TDO2: variants seen among roughly 807,000 people sequenced by gnomAD.
TDO2 encodes tryptamin 2,3-dioxygenase.
A neutral mutation model predicts 61.2 loss-of-function variants in TDO2; 63 were observed. The observed-to-expected ratio is 1.03, with a 90% confidence interval of 0.84 to 1.27. The LOEUF (loss-of-function observed/expected upper bound fraction) is 1.27. Among genes scored for constraint, TDO2 ranks in the 50% most tolerant of loss-of-function variants. TDO2 has a pLI of 0.00. For missense variants in TDO2, 494 were observed against 469.5 expected, an observed-to-expected ratio of 1.05 and a Z score of -0.48; for synonymous variants, 183 against 164.0, an observed-to-expected ratio of 1.12 and a Z score of -0.89.
At position 155,904,007 on chromosome 4, in the gene TDO2, TAA is replaced by T. The variant is rs746058534; in HGVS notation, c.36-9_36-8del. ...GCACTATTTTTCCCTCTTGATTTAT[TAA>T]ATTTGCAGATATACTTTTAAAAAAC... On this transcript the variant is annotated splice_polypyrimidine_tract_variant and intron_variant, in intron 1 of 11. Transcript: ENST00000536354. 1.2e-6 allele frequency: 2 copies of T among 1,609,984 alleles called. No homozygotes were observed. The highest frequency in any genetic ancestry group is 3.3e-5 in the Admixed American group (2 of 59,808).
In TDO2 at chr4:155,903,714, G is replaced by A; in HGVS notation, c.-45G>A. The stretch of plus-strand genomic sequence containing the variant: ...TCTGGGAAGGTCAATGATAGCATCT[G>A]CCTAGAGTCAAACCTCCGTGCTTCT... On this transcript the variant is annotated 5_prime_UTR_variant, in exon 1 of 12. Transcript: ENST00000536354. 1 of 1,613,024 alleles carries A rather than the reference G, an allele frequency of 6.2e-7. No individual in the cohort carries two copies. Among genetic ancestry groups the A allele is most frequent in the Non-Finnish European group, 8.5e-7 (1 of 1,179,044 alleles).
intron 2 of TDO2, 90 bp from the exon 3 acceptor site, chr4:155,904,977 C>A: frequency 2.5e-6 from 2 of 795,578 alleles, no homozygotes; most frequent in Non-Finnish European, 3.9e-6. Flanking sequence ...TTTGGAGGAG[C>A]ATTTGTCATT....
At chr4:155,916,732 T>C (rs1742945379) in intron 9 of TDO2, among the ~76,000 whole-genome samples, 1 of 152,162 alleles carries the variant, frequency 6.6e-6, no homozygotes, top group Admixed American at 6.5e-5. Context: ...ATGAATTAAA[T>C]GTGTCAGAAC....
At chr4:155,914,891 G>A (rs2110880560) in intron 8 of TDO2, among the ~76,000 whole-genome samples, 1 of 152,198 alleles carries the variant, frequency 6.6e-6, no homozygotes, top group East Asian at 1.9e-4. Flanking sequence ...TATTCATGTG[G>A]TCCAGCCATA....
intron 5 of TDO2, among the ~76,000 whole-genome samples, chr4:155,909,271 G>T (rs1362669608): frequency 6.6e-6 from 1 of 152,058 alleles, no homozygotes; most frequent in Non-Finnish European, 1.5e-5. Flanking sequence ...TCTCCAAAAA[G>T]AATTTTAGAC....
chr4:155,904,788 A>G (rs1013501945), intron 2 of TDO2, among the ~76,000 whole-genome samples: 20 of 152,192 alleles, frequency 1.3e-4, no homozygotes, highest in African/African-American at 4.1e-4. Context: ...AGTTTTCATC[A>G]TATTCATTTC....
At chr4:155,906,384 A>C (rs1419876009) in intron 3 of TDO2, 1 of 152,186 alleles carries the variant, frequency 6.6e-6, no homozygotes, top group Non-Finnish European at 1.5e-5. Flanking sequence ...TCTTTGCTCA[A>C]ATATAAAAAT....
At chr4:155,912,184 C>G (rs1019585101) in intron 7 of TDO2, among the ~76,000 whole-genome samples, 7 of 152,176 alleles carry the variant, frequency 4.6e-5, no homozygotes, top group Non-Finnish European at 8.8e-5. Context: ...TCCATTTCCA[C>G]TTCCACTTCT....
rs1235814617 is a variant in TDO2 at position 155,920,103 on chromosome 4, G to A, written c.*113G>A. The A allele has an allele frequency of 1.3e-5, 12 of 933,736 alleles. No individual in the cohort carries two copies. The East Asian group carries it at 1.8e-4, about 14-fold the overall frequency. 57.8% of individuals were successfully genotyped at this position (933,736 alleles called of 1,614,324 possible). On this transcript the variant is annotated 3_prime_UTR_variant, in exon 12 of 12. Transcript: ENST00000536354. ...GTATGCATATATTGTTCAGCACCAC[G>A]ATGCTCTGATTTAATTCTAGAAACA...
chr4:155,904,981 T>C, intron 2 of TDO2, 86 bp from the exon 3 acceptor site: 1 of 870,596 alleles, frequency 1.1e-6, no homozygotes, highest in Admixed American at 3.4e-5. Flanking sequence ...GAGGAGCATT[T>C]GTCATTATCA....
chr4:155,905,264 C>G, intron 3 of TDO2, 107 bp downstream of exon 3: 3 of 845,688 alleles, frequency 3.5e-6, no homozygotes, highest in Middle Eastern at 4.5e-4. Context: ...ATGGAATCAC[C>G]TCTGTTAGAA....
chr4:155,919,686 C>A, intron 11 of TDO2, 151 bp from the exon 12 acceptor site: 5 of 624,464 alleles, frequency 8.0e-6, no homozygotes, highest in Non-Finnish European at 1.3e-5. Context: ...TACATAATAC[C>A]TAATTTAATA....
At chr4:155,909,053 T>C (rs1200257982) in intron 5 of TDO2, 39 bp downstream of exon 5, 1 of 1,554,566 alleles carries the variant, frequency 6.4e-7, no homozygotes, top group Admixed American at 1.9e-5. Flanking sequence ...TGATGGAATT[T>C]ACTTTCTCAT....
chr4:155,904,249 T>A, intron 2 of TDO2, 126 bp downstream of exon 2: 1 of 667,512 alleles, frequency 1.5e-6, no homozygotes, highest in Non-Finnish European at 2.6e-6. Flanking sequence ...GACCTAAGGA[T>A]ATTTTTATTC....
At chr4:155,910,341 C>A (rs1742809065) in intron 6 of TDO2, 130 bp downstream of exon 6, 1 of 618,304 alleles carries the variant, frequency 1.6e-6, no homozygotes, top group Non-Finnish European at 2.6e-6. Context: ...AGAAAGAATT[C>A]ATAAAAATAC....
intron 7 of TDO2, among the ~76,000 whole-genome samples, chr4:155,911,899 C>G (rs1342242688): frequency 1.3e-5 from 2 of 152,128 alleles, no homozygotes; most frequent in African/African-American, 4.8e-5. Context: ...TTAGACAGAA[C>G]TAGGCCCACA....
intron 6 of TDO2, among the ~76,000 whole-genome samples, chr4:155,911,230 C>T (rs1338967208): frequency 6.6e-6 from 1 of 151,448 alleles, no homozygotes; most frequent in African/African-American, 2.4e-5. Flanking sequence ...TTCTAGAAGA[C>T]AATTGGAATT....
intron 3 of TDO2, chr4:155,906,844 A>G (rs1474152061): frequency 6.6e-6 from 1 of 152,138 alleles, no homozygotes; most frequent in Non-Finnish European, 1.5e-5. Context: ...TCATTTTGCA[A>G]ATGAATCAAC....
chr4:155,911,731 C>A, intron 7 of TDO2, 127 bp downstream of exon 7: 1 of 600,640 alleles, frequency 1.7e-6, no homozygotes, highest in South Asian at 3.3e-5. Context: ...AATGTATTTT[C>A]TTGGACTATG....
Sources: gnomAD v4.1 joint callset for allele counts (sites outside exome capture counted in the v4.1 genomes callset) on GRCh38, gnomAD v4.1.1 for gene constraint, MANE v1.5 for transcripts, NCBI Gene and HGNC (gene_info 2026-07-23, HGNC 2026-07-21) for gene names.